The following CAMSAP2 variants were observed in gnomAD, a reference collection of about 807,000 sequenced individuals.
CAMSAP2 encodes calmodulin regulated spectrin associated protein family member 2.
Under a neutral mutation model 146.1 loss-of-function variants are expected in CAMSAP2, and 26 were observed. The observed-to-expected ratio is 0.18, with a 90% confidence interval of 0.13 to 0.25. The LOEUF is 0.25. Among genes scored for constraint, CAMSAP2 ranks in the 10% least tolerant of loss-of-function variants. CAMSAP2 has a pLI of 1.00. For missense variants in CAMSAP2, 1,381 were observed against 1,759.3 expected (o/e 0.78, Z 3.85); for synonymous variants, 499 against 596.6 (o/e 0.84, Z 2.38).
intron 2 of CAMSAP2, among the ~76,000 whole-genome samples, chr1:200,785,384 TTTTCTTTTG>T (rs1665556007): frequency 6.8e-6 from 1 of 148,136 alleles, no homozygotes; most frequent in African/African-American, 2.5e-5. Flanking sequence ...TTTTCTTTTT[TTTTCTTTTG>T]TTTTTTTTTT....
In CAMSAP2 at chr1:200,739,112, G is replaced by A. The variant is rs535006311; in HGVS notation, c.-716G>A. ...AGGGAGGAAGACCCGGGAGACGGCAGCGGCGACGGCGGCAGGGGAAGGAGG... is the reference window on the plus strand; with the variant it reads ...AGGGAGGAAGACCCGGGAGACGGCAACGGCGACGGCGGCAGGGGAAGGAGG... On this transcript the variant is annotated 5_prime_UTR_variant, in exon 1 of 17. Transcript: ENST00000358823. The surrounding 1 kb of genome is among the most constrained non-coding windows in gnomAD (Gnocchi z 4.8). 9.8e-5 allele frequency among the ~76,000 whole-genome samples: 15 copies of A among 152,332 alleles called. No homozygotes were observed. Among genetic ancestry groups the A allele is most frequent in the African/African-American group, 3.4e-4 (14 of 41,576 alleles).
At chr1:200,792,185 T>G (rs1242552179) in intron 2 of CAMSAP2, among the ~76,000 whole-genome samples, 1 of 152,192 alleles carries the variant, frequency 6.6e-6, no homozygotes. Flanking sequence ...GAGATAGTTT[T>G]GTTGAATGTT....
chr1:200,801,806 G>C (rs922957288), intron 2 of CAMSAP2, among the ~76,000 whole-genome samples: 2 of 152,192 alleles, frequency 1.3e-5, no homozygotes, highest in Non-Finnish European at 2.9e-5. Flanking sequence ...TATCTAAGAT[G>C]AACTCTTAAG....
chr1:200,810,686 G>A (rs763951503), intron 3 of CAMSAP2, among the ~76,000 whole-genome samples: 3 of 150,954 alleles, frequency 2.0e-5, no homozygotes, highest in Non-Finnish European at 2.9e-5. Flanking sequence ...GTCAGGAGTC[G>A]GAGACCAGCC....
intron 4 of CAMSAP2, among the ~76,000 whole-genome samples, chr1:200,817,497 A>T (rs557854919): frequency 3.3e-5 from 5 of 152,268 alleles, no homozygotes; most frequent in African/African-American, 1.2e-4. Flanking sequence ...GGAACCCTTT[A>T]AACATGTTGT....
At position 200,848,657 on chromosome 1, in the gene CAMSAP2, A is replaced by G; in HGVS notation, c.1888A>G (p.Arg630Gly). The G allele has an allele frequency of 6.2e-7, 1 of 1,614,146 alleles. No individual in the cohort carries two copies. The highest frequency in any genetic ancestry group is 1.1e-5 in the South Asian group (1 of 91,082). Reference sequence around the variant, plus strand: ...AACTATGGACGAAGATTCTTCGTTGAGAGATTATACTGTAAGCTTGGACTC... The same window carrying G: ...AACTATGGACGAAGATTCTTCGTTGGGAGATTATACTGTAAGCTTGGACTC... ...PETMDEDSSL[R>G]DYTVSLDSDM... Residue 630 changes from arginine (R) to glycine (G), a missense_variant, in exon 11 of 17, where the codon AGA (arginine) becomes GGA (glycine). Physicochemically the swap from Arg to Gly is moderately radical, Grantham distance 125. Coordinates refer to ENST00000358823, the MANE Select transcript of CAMSAP2 (RefSeq NM_203459.4).
chr1:200,844,557 A>C (rs923897215), intron 7 of CAMSAP2, among the ~76,000 whole-genome samples: 6 of 152,128 alleles, frequency 3.9e-5, no homozygotes, highest in Non-Finnish European at 5.9e-5. Context: ...AAAAAAAAAG[A>C]AAGAAAATTT....
chr1:200,740,540 A>G (rs1664133157), intron 1 of CAMSAP2, among the ~76,000 whole-genome samples: 1 of 152,234 alleles, frequency 6.6e-6, no homozygotes, highest in Admixed American at 6.5e-5. Context: ...AGTTATTTAA[A>G]ACCAGCGTTC....
rs549750167 is a variant in CAMSAP2, at chr1:200,856,251, T to G, written c.4012+126T>G. ...ACATAGGCAACTAATAAACAGTGAA[T>G]GCAGGTGGTCACTTTCAGGTAGTTC... On this transcript the variant is annotated intron_variant, in intron 15 of 16. Transcript: ENST00000358823. 4.2e-4 allele frequency: 270 copies of G among 643,848 alleles called. 8 individuals carry two copies. Among genetic ancestry groups the G allele is most frequent in the South Asian group, 3.1e-3 (147 of 46,904 alleles). The allele number at this position is 643,848 out of a possible 1,614,324, so 39.9% of individuals were successfully genotyped here.
At chr1:200,758,918 ATATC>A (rs1203274495) in intron 1 of CAMSAP2, among the ~76,000 whole-genome samples, 4 of 152,044 alleles carry the variant, frequency 2.6e-5, no homozygotes, top group African/African-American at 9.6e-5. Flanking sequence ...TCATTTCCTT[ATATC>A]TATATGGTAA....
intron 4 of CAMSAP2, among the ~76,000 whole-genome samples, chr1:200,820,064 T>A (rs868478694): frequency 8.3e-4 from 124 of 148,962 alleles, no homozygotes; most frequent in Middle Eastern, 7.1e-3. Context: ...CTCAAAAAAT[T>A]TTTTTTTTTT....
chr1:200,839,129 G>T (rs557050297), intron 6 of CAMSAP2, among the ~76,000 whole-genome samples: 1 of 152,176 alleles, frequency 6.6e-6, no homozygotes, highest in African/African-American at 2.4e-5. Context: ...GCTGATGGAC[G>T]TAGGCATGGC....
chr1:200,762,821 T>G (rs1289899841), intron 2 of CAMSAP2, among the ~76,000 whole-genome samples: 3 of 152,230 alleles, frequency 2.0e-5, no homozygotes, highest in Non-Finnish European at 4.4e-5. Context: ...TACTCATGTT[T>G]CTTTCACACT....
At position 200,853,252 on chromosome 1, in the gene CAMSAP2, A is replaced by C; in HGVS notation, c.3603-23A>C. 1 of 1,602,112 alleles carries C rather than the reference A, an allele frequency of 6.2e-7. No individual in the cohort carries two copies. Among genetic ancestry groups the C allele is most frequent in the South Asian group, 1.1e-5 (1 of 90,786 alleles). ...TTTGTCTTTGGTATGCAGAATAAGA[A>C]CTGTAACCATTTGATTTCTTAGGCG... On this transcript the variant is annotated intron_variant, in intron 12 of 16. Transcript: ENST00000358823. This position sits in a 1 kb window ranked among gnomAD's most constrained non-coding sequence, Gnocchi z 5.1.
rs746308035 is a variant in CAMSAP2, at chr1:200,832,245, A to T, written c.691A>T (p.Ile231Phe). The change falls in exon 5 of 17, where the codon ATT (isoleucine) becomes TTT (phenylalanine). Residue 231 changes from isoleucine (I) to phenylalanine (F), a missense_variant. Around this residue, in one of 4 missense-constraint regions of CAMSAP2, gnomAD observed 284 missense variants for 406.9 expected, o/e 0.70. Coordinates refer to ENST00000358823, the MANE Select transcript of CAMSAP2 (RefSeq NM_203459.4). The surrounding 1 kb of genome is among the most constrained non-coding windows in gnomAD (Gnocchi z 4.2). ...AACATTGCTTAAGCAACTGCCTTGC[A>T]TTCCATTGGTAGAAAATTTGTTGAA... ...EQTLLKQLPC[I>F]PLVENLLKDG... The T allele has an allele frequency of 2.5e-6, 4 of 1,613,650 alleles. No homozygotes were observed. In the Admixed American group the frequency reaches 6.7e-5, roughly 27 times the overall value.
chr1:200,821,243 C>T (rs1403861052), intron 4 of CAMSAP2, among the ~76,000 whole-genome samples: 7 of 150,604 alleles, frequency 4.6e-5, no homozygotes, highest in African/African-American at 1.5e-4. Context: ...AATGAAGTAG[C>T]GAGATCATGG....
At position 200,794,451 on chromosome 1, in the gene CAMSAP2, T is replaced by A. The variant is rs1384553896; in HGVS notation, c.400-12925T>A. On this transcript the variant is annotated intron_variant, in intron 2 of 16. Coordinates refer to ENST00000358823, the MANE Select transcript of CAMSAP2 (RefSeq NM_203459.4). ...GGGTTTATATTAATGGGGAATGTTA[T>A]TTAGAAACCATGATCTGGGGATAGA... 3.9e-5 allele frequency among the ~76,000 whole-genome samples: 6 copies of A among 152,310 alleles called. No homozygotes were observed. In the East Asian group the frequency reaches 1.2e-3, roughly 29 times the overall value.
chr1:200,841,084 CATT>C (rs1355415633), intron 6 of CAMSAP2, among the ~76,000 whole-genome samples: 4 of 151,952 alleles, frequency 2.6e-5, no homozygotes, highest in Non-Finnish European at 5.9e-5. Context: ...TAAAAGGTAA[CATT>C]GTTGACTTAT....
At chr1:200,840,125 C>T (rs1274624950) in intron 6 of CAMSAP2, among the ~76,000 whole-genome samples, 1 of 152,156 alleles carries the variant, frequency 6.6e-6, no homozygotes, top group African/African-American at 2.4e-5. Flanking sequence ...CACTCAGCCA[C>T]CTACAAGACA....
Sources: allele counts gnomAD v4.1 joint callset (sites outside exome capture counted in the v4.1 genomes callset), GRCh38; gene constraint gnomAD v4.1.1; regional missense constraint gnomAD v4.1.1; non-coding constraint Gnocchi (gnomAD v3.1); transcripts MANE v1.5; gene names NCBI Gene and HGNC (gene_info 2026-07-23, HGNC 2026-07-21).